Variants in SDK1 observed in about 807,000 individuals in gnomAD.
SDK1 encodes sidekick cell adhesion molecule 1.
A neutral mutation model predicts 245.5 loss-of-function variants in SDK1; 157 were observed. That is an observed-to-expected ratio of 0.64 (90% CI 0.56 to 0.73). The LOEUF (loss-of-function observed/expected upper bound fraction) is 0.73. SDK1 is among the 30% of genes least tolerant of loss of function. The pLI is 0.00. For missense variants in SDK1, 3,583 were observed against 3,002.3 expected (o/e 1.19, Z -4.52); for synonymous variants, 1,647 against 1,278.5 (o/e 1.29, Z -6.15).
chr7:3,579,481 C>G (rs1422088665), intron 1 of SDK1, among the ~76,000 whole-genome samples: 4 of 152,190 alleles, frequency 2.6e-5, no homozygotes, highest in African/African-American at 9.7e-5. Flanking sequence ...AGTATCCCTT[C>G]AAGTTAAAAA....
intron 35 of SDK1, among the ~76,000 whole-genome samples, chr7:4,191,610 CA>C (rs1783212326): frequency 1.3e-5 from 2 of 152,256 alleles, no homozygotes; most frequent in Non-Finnish European, 1.5e-5. Context: ...GCCTGCCCTT[CA>C]GCTGCTCCCC....
At chr7:3,676,653 C>G (rs368707371) in intron 4 of SDK1, among the ~76,000 whole-genome samples, 15 of 152,132 alleles carry the variant, frequency 9.9e-5, no homozygotes, top group African/African-American at 1.7e-4. Flanking sequence ...AGCTTGAGGT[C>G]TTATATTTAA....
intron 8 of SDK1, among the ~76,000 whole-genome samples, chr7:3,959,224 T>C (rs931718656): frequency 1.3e-5 from 2 of 152,132 alleles, no homozygotes; most frequent in South Asian, 4.2e-4. Context: ...GAAACAGAGA[T>C]GATACTATTT....
intron 5 of SDK1, among the ~76,000 whole-genome samples, chr7:3,915,420 G>A (rs1779337822): frequency 6.6e-6 from 1 of 152,150 alleles, no homozygotes; most frequent in Admixed American, 6.5e-5. Context: ...GAATCATAGG[G>A]GTGGGTTTTT....
intron 1 of SDK1, among the ~76,000 whole-genome samples, chr7:3,344,542 T>A (rs1780442104): frequency 6.6e-6 from 1 of 152,214 alleles, no homozygotes; most frequent in Non-Finnish European, 1.5e-5. Context: ...GACAGTTTAT[T>A]TCCAGGCTGA....
chr7:3,689,109 T>A (rs949997103), intron 4 of SDK1, among the ~76,000 whole-genome samples: 17 of 152,334 alleles, frequency 1.1e-4, no homozygotes, highest in African/African-American at 4.1e-4. Context: ...AGTTGAGTAG[T>A]TGTGACAGGG....
intron 1 of SDK1, among the ~76,000 whole-genome samples, chr7:3,309,370 G>GTTT (rs34437244): frequency 7.0e-6 from 1 of 142,906 alleles, no homozygotes; most frequent in Middle Eastern, 3.7e-3. Flanking sequence ...CCACAGCCAA[G>GTTT]TTTTTTTTTT....
intron 1 of SDK1, among the ~76,000 whole-genome samples, chr7:3,362,535 G>A (rs1780981578): frequency 6.6e-6 from 1 of 151,954 alleles, no homozygotes; most frequent in South Asian, 2.1e-4. Flanking sequence ...ATCTTTACAA[G>A]CCTCATTAAA....
intron 1 of SDK1, among the ~76,000 whole-genome samples, chr7:3,340,582 G>C (rs1280949669): frequency 6.6e-6 from 1 of 152,110 alleles, no homozygotes; most frequent in Non-Finnish European, 1.5e-5. Flanking sequence ...CTAACACGGT[G>C]AAACCCCGTC....
intron 21 of SDK1, among the ~76,000 whole-genome samples, chr7:4,078,945 C>T (rs1240134130): frequency 1.3e-5 from 2 of 152,174 alleles, no homozygotes; most frequent in African/African-American, 2.4e-5. Flanking sequence ...AAGACCTGAT[C>T]CTGACCGGGT....
At chr7:3,419,309 G>A (rs1779469707) in intron 1 of SDK1, among the ~76,000 whole-genome samples, 1 of 152,174 alleles carries the variant, frequency 6.6e-6, no homozygotes, top group Non-Finnish European at 1.5e-5. Flanking sequence ...TTCCCTTTTA[G>A]GTTATACTGC....
At chr7:3,542,153 T>G (rs1318419308) in intron 1 of SDK1, among the ~76,000 whole-genome samples, 2 of 152,242 alleles carry the variant, frequency 1.3e-5, no homozygotes, top group African/African-American at 4.8e-5. Context: ...TGTAGAATTT[T>G]AATTCCCAAT....
At chr7:3,667,153 T>G (rs1562642844) in intron 4 of SDK1, among the ~76,000 whole-genome samples, 1 of 152,216 alleles carries the variant, frequency 6.6e-6, no homozygotes, top group African/African-American at 2.4e-5. Context: ...CTTGGCAGAT[T>G]ATTCTGACCT....
Position 3,852,778 on chromosome 7 carries a change from T to A in SDK1, c.847+31195T>A, listed in dbSNP as rs1014491497. 1.5e-4 allele frequency among the ~76,000 whole-genome samples: 22 copies of A among 142,116 alleles called. 1 individual carries two copies. The highest frequency in any genetic ancestry group is 3.8e-3 in the Middle Eastern group (1 of 264). 93.2% of individuals were successfully genotyped at this position (142,116 alleles called of 152,430 possible). On this transcript the variant is annotated intron_variant, in intron 5 of 44. Coordinates refer to ENST00000404826, the MANE Select transcript of SDK1 (RefSeq NM_152744.4). ...AAAAAAAAAAAAAAAAAAAAAAAAT[T>A]TTTTTCCTTGAAATTTGCTTTTAAA...
chr7:3,507,789 T>G (rs1250133952), intron 1 of SDK1, among the ~76,000 whole-genome samples: 1 of 152,132 alleles, frequency 6.6e-6, no homozygotes, highest in African/African-American at 2.4e-5. Flanking sequence ...TATGTGTTAG[T>G]CTCCCTTTGT....
At chr7:3,310,886 T>C (rs1371343361) in intron 1 of SDK1, among the ~76,000 whole-genome samples, 6 of 152,216 alleles carry the variant, frequency 3.9e-5, no homozygotes, top group African/African-American at 1.2e-4. Flanking sequence ...TGAAGAATTG[T>C]GTAATGATTC....
chr7:3,846,815 T>TAC (rs1205985938), intron 5 of SDK1, among the ~76,000 whole-genome samples: 1 of 151,970 alleles, frequency 6.6e-6, no homozygotes, highest in African/African-American at 2.4e-5. Context: ...CTCCTCCCGC[T>TAC]ACGAGGGGCA....
chr7:3,739,455 AT>A (rs1401098421), intron 4 of SDK1, among the ~76,000 whole-genome samples: 14 of 151,854 alleles, frequency 9.2e-5, no homozygotes, highest in Non-Finnish European at 1.5e-5. Flanking sequence ...GGCATCTCAT[AT>A]TTTTCTGAGA....
chr7:3,756,763 C>T (rs1351868224), intron 4 of SDK1, among the ~76,000 whole-genome samples: 2 of 152,052 alleles, frequency 1.3e-5, no homozygotes, highest in Admixed American at 1.3e-4. Context: ...ATCTTTGGGT[C>T]GTGTCCCTAT....
Sources: gnomAD v4.1 joint callset for allele counts (sites outside exome capture counted in the v4.1 genomes callset) on GRCh38, gnomAD v4.1.1 for gene constraint, MANE v1.5 for transcripts, NCBI Gene and HGNC (gene_info 2026-07-23, HGNC 2026-07-21) for gene names.